MCPH1: variants seen among roughly 807,000 people sequenced by gnomAD.
MCPH1 encodes the protein microcephalin 1.
In MCPH1, 104 loss-of-function variants were observed where a neutral mutation model predicts 84.5. The ratio of observed to expected loss-of-function variants is 1.23; its 90% CI spans 1.05 to 1.45. The LOEUF (loss-of-function observed/expected upper bound fraction) is 1.45, where lower values mean the gene tolerates loss of function less well. Ranked by LOEUF, MCPH1 falls within the 40% of genes most tolerant of loss-of-function variation. The pLI is 0.00. For missense variants in MCPH1, 1,498 were observed against 1,005.7 expected (o/e 1.49, Z -6.62); for synonymous variants, 514 against 366.8 (o/e 1.40, Z -4.58).
rs145880194 is a variant in MCPH1, at chr8:6,433,213, C to G, written c.321+1627C>G. On this transcript the variant is annotated intron_variant, in intron 4 of 13. Coordinates refer to ENST00000344683, the MANE Select transcript of MCPH1 (RefSeq NM_024596.5). Reference sequence around the variant, plus strand: ...TACTTTTAGTCACTGTCAGTTTTTGCTAAGTATATTACTTAAGCCACATAT... The same window carrying G: ...TACTTTTAGTCACTGTCAGTTTTTGGTAAGTATATTACTTAAGCCACATAT... 4.2e-3 allele frequency among the ~76,000 whole-genome samples: 638 copies of G among 152,240 alleles called. 5 individuals are homozygous for G. The highest frequency in any genetic ancestry group is 7.5e-3 in the Admixed American group (114 of 15,290).
At chr8:6,449,951 C>A (rs1274577207) in intron 8 of MCPH1, among the ~76,000 whole-genome samples, 1 of 152,186 alleles carries the variant, frequency 6.6e-6, no homozygotes, top group Non-Finnish European at 1.5e-5. Context: ...ACGAAGGAGA[C>A]ACAGTTGTCC....
chr8:6,521,280 T>G (rs938509964), intron 12 of MCPH1: 6 of 1,613,968 alleles, frequency 3.7e-6, no homozygotes, highest in Non-Finnish European at 4.2e-6. Context: ...GTCACTATTT[T>G]TTTTTCTAGT....
chr8:6,490,937 T>G (rs1810491761), intron 11 of MCPH1, among the ~76,000 whole-genome samples: 1 of 83,568 alleles, frequency 1.2e-5, no homozygotes, highest in Non-Finnish European at 2.5e-5. Context: ...ATTGTATATA[T>G]TAATAATATA....
In MCPH1 at chr8:6,435,170, C is replaced by T. The variant is rs77059717; in HGVS notation, c.322-878C>T. ...TTACTGTGATTTAATGACGGTAGGG[C>T]AAGCATAATCATGGTTCTTTTCTTT... On this transcript the variant is annotated intron_variant, in intron 4 of 13. Transcript: ENST00000344683. Among the ~76,000 whole-genome samples the T allele has an allele frequency of 6.1e-3, 933 of 152,148 alleles. 15 individuals are homozygous for T. The highest frequency in any genetic ancestry group is 0.022 in the African/African-American group (898 of 41,486).
intron 12 of MCPH1, among the ~76,000 whole-genome samples, chr8:6,587,992 C>T (rs1828131616): frequency 6.6e-6 from 1 of 152,224 alleles, no homozygotes; most frequent in Non-Finnish European, 1.5e-5. Flanking sequence ...CATCTCTCAA[C>T]CATTTGTCTT....
intron 13 of MCPH1, among the ~76,000 whole-genome samples, chr8:6,632,681 T>C (rs534649028): frequency 9.2e-5 from 14 of 152,162 alleles, no homozygotes; most frequent in Admixed American, 2.6e-4. Flanking sequence ...TGGTGGCACG[T>C]GCCTGTAGTC....
chr8:6,572,395 C>A (rs1826732456), intron 12 of MCPH1, among the ~76,000 whole-genome samples: 1 of 152,148 alleles, frequency 6.6e-6, no homozygotes, highest in Non-Finnish European at 1.5e-5. Flanking sequence ...ACTTGTAATA[C>A]TCACTAGCTC....
At position 6,517,580 on chromosome 8, in the gene MCPH1, G is replaced by A. The variant is rs1238657719; in HGVS notation, c.2214+17651G>A. Among the ~76,000 whole-genome samples, 3 of 152,160 alleles carry A rather than the reference G, an allele frequency of 2.0e-5. No individual in the cohort carries two copies. In the East Asian group the frequency reaches 5.8e-4, roughly 29 times the overall value. On this transcript the variant is annotated intron_variant, in intron 12 of 13. Transcript: ENST00000344683. ...GAATTAGATAAATGAGTGCAGAATCGGGTCTCCTGCCAGGCAGAGAAGTTG... is the reference window on the plus strand; with the variant it reads ...GAATTAGATAAATGAGTGCAGAATCAGGTCTCCTGCCAGGCAGAGAAGTTG...
intron 9 of MCPH1, among the ~76,000 whole-genome samples, chr8:6,460,810 A>G (rs2129557397): frequency 6.6e-6 from 1 of 151,966 alleles, no homozygotes; most frequent in East Asian, 1.9e-4. Context: ...CTCCTCTTCC[A>G]TGGGTTTCTT....
rs539984715 is a variant in MCPH1 at position 6,586,406 on chromosome 8, C to T, written c.2215-35048C>T. On this transcript the variant is annotated intron_variant, in intron 12 of 13. Transcript: ENST00000344683. ...CTTTAAGGCTGGTCCCCAGGGTCCG[C>T]GCTCTGTCCTCCAGCCTCCACGCTT... 5.9e-5 allele frequency among the ~76,000 whole-genome samples: 9 copies of T among 152,342 alleles called. No individual in the cohort carries two copies. In the South Asian group the frequency reaches 6.2e-4, roughly 11 times the overall value.
intron 3 of MCPH1, among the ~76,000 whole-genome samples, chr8:6,418,345 TTTTTC>T (rs1799618172): frequency 2.0e-5 from 3 of 152,328 alleles, no homozygotes; most frequent in Admixed American, 2.0e-4. Context: ...CTGTTCTTTC[TTTTTC>T]TTTTATTTCC....
At chr8:6,415,758 G>C (rs527485414) in intron 3 of MCPH1, among the ~76,000 whole-genome samples, 4 of 152,274 alleles carry the variant, frequency 2.6e-5, no homozygotes, top group East Asian at 3.9e-4. Flanking sequence ...ATTTTGATTT[G>C]AGTTCCTTGC....
At chr8:6,555,701 G>A (rs1586601396) in intron 12 of MCPH1, among the ~76,000 whole-genome samples, 1 of 152,134 alleles carries the variant, frequency 6.6e-6, no homozygotes, top group Non-Finnish European at 1.5e-5. Flanking sequence ...GAGCTCAAGC[G>A]ACCCACCCGC....
At chr8:6,611,827 C>G (rs1328191645) in intron 12 of MCPH1, among the ~76,000 whole-genome samples, 2 of 152,154 alleles carry the variant, frequency 1.3e-5, no homozygotes, top group Non-Finnish European at 2.9e-5. Flanking sequence ...ACCGTGTTAG[C>G]CAGGATGGTC....
At chr8:6,641,621 G>A (rs1797942633) in intron 13 of MCPH1, among the ~76,000 whole-genome samples, 1 of 152,168 alleles carries the variant, frequency 6.6e-6, no homozygotes, top group African/African-American at 2.4e-5. Context: ...GTGCATACCT[G>A]TAGTCCCGGC....
At chr8:6,447,553 T>C (rs1585832376) in intron 8 of MCPH1, 1 of 476,768 alleles carries the variant, frequency 2.1e-6, no homozygotes, top group Non-Finnish European at 2.7e-6. Flanking sequence ...TTTGTTTTGT[T>C]TTTTAGTTTT....
intron 12 of MCPH1, among the ~76,000 whole-genome samples, chr8:6,523,621 G>A (rs1272716675): frequency 2.0e-5 from 3 of 152,068 alleles, no homozygotes; most frequent in Non-Finnish European, 2.9e-5. Flanking sequence ...TCGGAGTCTC[G>A]CGCTGTGGCC....
At chr8:6,419,068 T>C (rs774898703) in intron 3 of MCPH1, among the ~76,000 whole-genome samples, 1 of 152,120 alleles carries the variant, frequency 6.6e-6, no homozygotes, top group South Asian at 2.1e-4. Flanking sequence ...ACGTTGGGCC[T>C]GCTTAGCTAT....
chr8:6,565,967 G>T (rs1055957608), intron 12 of MCPH1, among the ~76,000 whole-genome samples: 2 of 152,190 alleles, frequency 1.3e-5, no homozygotes, highest in African/African-American at 4.8e-5. Flanking sequence ...AGCTCTAGTA[G>T]AGCCGGAGTT....
Sources: allele counts gnomAD v4.1 joint callset (sites outside exome capture counted in the v4.1 genomes callset), GRCh38; gene constraint gnomAD v4.1.1; transcripts MANE v1.5; gene names NCBI Gene and HGNC (gene_info 2026-07-23, HGNC 2026-07-21).